The following GNAQ variants were observed in gnomAD, a reference collection of about 807,000 sequenced individuals.
The protein encoded by GNAQ is G protein subunit alpha q, also known as guanine nucleotide-binding protein G(q) subunit alpha.
In GNAQ, 8 loss-of-function variants were observed where a neutral mutation model predicts 43.9. That is an observed-to-expected ratio of 0.18 (90% CI 0.11 to 0.33). The LOEUF (loss-of-function observed/expected upper bound fraction) is 0.33, where lower values mean the gene tolerates loss of function less well. GNAQ is among the 10% of genes least tolerant of loss of function. The pLI is 1.00. For missense variants in GNAQ, 158 were observed against 450.8 expected (o/e 0.35, Z 5.88); for synonymous variants, 155 against 170.7 (o/e 0.91, Z 0.71).
At chr9:77,729,122 AC>A (rs753782798) in intron 5 of GNAQ, among the ~76,000 whole-genome samples, 2 of 152,122 alleles carry the variant, frequency 1.3e-5, no homozygotes, top group African/African-American at 2.4e-5. Flanking sequence ...CAAAACAGTT[AC>A]TTCTTTGTCA....
intron 2 of GNAQ, among the ~76,000 whole-genome samples, chr9:77,841,865 T>C (rs537727396): frequency 1.3e-5 from 2 of 152,314 alleles, no homozygotes; most frequent in African/African-American, 2.4e-5. Flanking sequence ...AGTGGTTTCT[T>C]GGTAAGGTAA....
At chr9:77,722,546 T>A (rs1825333417) in intron 6 of GNAQ, among the ~76,000 whole-genome samples, 1 of 152,252 alleles carries the variant, frequency 6.6e-6, no homozygotes, top group Middle Eastern at 3.4e-3. Context: ...AAAAATGTAA[T>A]TTTGCAATGG....
chr9:77,882,639 C>A (rs1002496014), intron 2 of GNAQ, among the ~76,000 whole-genome samples: 1 of 151,882 alleles, frequency 6.6e-6, no homozygotes, highest in Non-Finnish European at 1.5e-5. Flanking sequence ...GTATTCACCA[C>A]GAGGTTCATG....
chr9:77,845,328 A>C (rs1827567027), intron 2 of GNAQ, among the ~76,000 whole-genome samples: 1 of 152,074 alleles, frequency 6.6e-6, no homozygotes, highest in South Asian at 2.1e-4. Context: ...CCTTTTTTAA[A>C]CAAAACTCTT....
chr9:78,009,628 C>T (rs1021437035), intron 1 of GNAQ, among the ~76,000 whole-genome samples: 1 of 152,146 alleles, frequency 6.6e-6, no homozygotes, highest in African/African-American at 2.4e-5. Flanking sequence ...ACAGTATTAA[C>T]AAAAATAGTT....
intron 2 of GNAQ, among the ~76,000 whole-genome samples, chr9:77,914,971 A>G (rs1004211818): frequency 1.3e-5 from 2 of 152,144 alleles, no homozygotes; most frequent in African/African-American, 2.4e-5. Flanking sequence ...AAAATTTTTC[A>G]TAGGTGCTGT....
At chr9:77,737,261 A>C (rs952598755) in intron 5 of GNAQ, among the ~76,000 whole-genome samples, 1 of 152,202 alleles carries the variant, frequency 6.6e-6, no homozygotes, top group African/African-American at 2.4e-5. Context: ...CTGATGGCCA[A>C]AGCAACTGCC....
intron 1 of GNAQ, among the ~76,000 whole-genome samples, chr9:78,007,419 C>A (rs560483085): frequency 1.3e-5 from 2 of 150,980 alleles, no homozygotes; most frequent in South Asian, 4.2e-4. Context: ...TCAAGCAAGC[C>A]ACCCACTAGA....
chr9:78,029,766 G>A (rs1002738865), intron 1 of GNAQ, among the ~76,000 whole-genome samples: 2 of 152,168 alleles, frequency 1.3e-5, no homozygotes, highest in African/African-American at 2.4e-5. Flanking sequence ...CTCAAGATAA[G>A]AAAGAAAATG....
intron 5 of GNAQ, among the ~76,000 whole-genome samples, chr9:77,769,767 C>A (rs1398182955): frequency 6.6e-6 from 1 of 150,620 alleles, no homozygotes; most frequent in Non-Finnish European, 1.5e-5. Flanking sequence ...TGGGTTCATG[C>A]CATTCTCCTG....
At chr9:77,729,189 T>C (rs188360255) in intron 5 of GNAQ, among the ~76,000 whole-genome samples, 38 of 152,304 alleles carry the variant, frequency 2.5e-4, no homozygotes, top group Admixed American at 9.2e-4. Flanking sequence ...CACACACACA[T>C]ACACACACCC....
At position 78,031,248 on chromosome 9, in the gene GNAQ, C is replaced by T. The variant is rs1402166447; in HGVS notation, c.-13G>A. 10 of 1,488,972 alleles carry T rather than the reference C, an allele frequency of 6.7e-6. No homozygotes were observed. The South Asian group carries it at 1.2e-4, about 17-fold the overall frequency. The allele number at this position is 1,488,972 out of a possible 1,614,324, so 92.2% of individuals were successfully genotyped here. A position where few individuals can be genotyped will look rare whatever the true frequency, so the allele number is the denominator to read the frequency against. On this transcript the variant is annotated 5_prime_UTR_variant, in exon 1 of 7. Coordinates refer to ENST00000286548, the MANE Select transcript of GNAQ (RefSeq NM_002072.5). ...ACTCCAGAGTCATTCTTCCAAAGTG[C>T]CTCCGCTGCAGCCCCGCCGGCACCC...
intron 2 of GNAQ, among the ~76,000 whole-genome samples, chr9:77,889,474 T>C (rs1169399871): frequency 6.7e-6 from 1 of 149,334 alleles, no homozygotes; most frequent in Non-Finnish European, 1.5e-5. Context: ...AATGTCTCAT[T>C]ATGATGTTTA....
chr9:77,783,865 A>G lies in GNAQ; in HGVS notation c.735+10598T>C, dbSNP rs1826434663. 2.0e-5 allele frequency among the ~76,000 whole-genome samples: 3 copies of G among 152,144 alleles called. No individual in the cohort carries two copies. In the South Asian group the frequency reaches 6.2e-4, roughly 31 times the overall value. On this transcript the variant is annotated intron_variant, in intron 5 of 6. Transcript: ENST00000286548. ...GAGGATCACTGGAGCCTAGGAGTTT[A>G]AGGACAATGTGGGCAACATAGCAAG...
Position 77,719,270 on chromosome 9 carries a change from C to G in GNAQ, c.*2053G>C, listed in dbSNP as rs1825272618. On this transcript the variant is annotated 3_prime_UTR_variant, in exon 7 of 7. Coordinates refer to ENST00000286548, the MANE Select transcript of GNAQ (RefSeq NM_002072.5). ...GACATACAATACAATTACATAGATA[C>G]ATATCAATACAGCACATTCAATCTG... 2 of 232,344 alleles carry G rather than the reference C, an allele frequency of 8.6e-6. No individual in the cohort carries two copies. Among genetic ancestry groups the G allele is most frequent in the Admixed American group, 5.6e-5 (1 of 17,760 alleles). The allele number at this position is 232,344 out of a possible 1,614,324, so 14.4% of individuals were successfully genotyped here. A position where few individuals can be genotyped will look rare whatever the true frequency, so the allele number is the denominator to read the frequency against.
chr9:78,018,658 G>A lies in GNAQ; in HGVS notation c.136+12442C>T, dbSNP rs369199036. Among the ~76,000 whole-genome samples, 317 of 152,096 alleles carry A rather than the reference G, an allele frequency of 2.1e-3. 1 individual carries two copies. Among genetic ancestry groups the A allele is most frequent in the Middle Eastern group, 6.8e-3 (2 of 292 alleles). ...CTTGGACTGTCTATTAAGCACAATA[G>A]CTTTTCTCCTTACCAAACTTTTTTT... On this transcript the variant is annotated intron_variant, in intron 1 of 6. Coordinates refer to ENST00000286548, the MANE Select transcript of GNAQ (RefSeq NM_002072.5).
chr9:78,025,199 G>A (rs908933568), intron 1 of GNAQ, among the ~76,000 whole-genome samples: 1 of 152,066 alleles, frequency 6.6e-6, no homozygotes, highest in East Asian at 1.9e-4. Context: ...TATCGGTAAT[G>A]TAACAAATCA....
chr9:77,795,287 C>A (rs144170475), intron 4 of GNAQ, among the ~76,000 whole-genome samples: 12 of 152,280 alleles, frequency 7.9e-5, no homozygotes, highest in South Asian at 2.1e-4. Flanking sequence ...TTGTTTTTAA[C>A]ACATCAATTC....
At chr9:77,766,789 A>ACTC (rs2118358069) in intron 5 of GNAQ, among the ~76,000 whole-genome samples, 1 of 152,334 alleles carries the variant, frequency 6.6e-6, no homozygotes, top group South Asian at 2.1e-4. Flanking sequence ...GAAGGGAAGG[A>ACTC]CAGTCTATAA....
Sources: allele counts gnomAD v4.1 joint callset (sites outside exome capture counted in the v4.1 genomes callset), GRCh38; gene constraint gnomAD v4.1.1; transcripts MANE v1.5; gene names NCBI Gene and HGNC (gene_info 2026-07-23, HGNC 2026-07-21).